The following DKK2 variants were observed in gnomAD, a reference collection of about 807,000 sequenced individuals.
The protein encoded by DKK2 is dickkopf Wnt signaling pathway inhibitor 2, also known as dickkopf-related protein 2.
DKK2 carries 11 observed loss-of-function variants against 28.1 expected under a neutral mutation model. The ratio of observed to expected loss-of-function variants is 0.39; its 90% confidence interval spans 0.25 to 0.65. The LOEUF is 0.65. DKK2 is among the 30% of genes least tolerant of loss of function. The pLI is 0.47. For synonymous variants in DKK2, 135 were observed against 126.5 expected (o/e 1.07, Z -0.45); for missense variants, 326 against 335.5 (o/e 0.97, Z 0.22).
intron 1 of DKK2, among the ~76,000 whole-genome samples, chr4:107,018,709 A>G (rs1283245758): frequency 6.6e-6 from 1 of 152,100 alleles, no homozygotes; most frequent in East Asian, 1.9e-4. Flanking sequence ...CTTCTAAAAC[A>G]TGGTGCAATA....
chr4:106,980,435 A>G (rs926049860), intron 1 of DKK2, among the ~76,000 whole-genome samples: 2 of 152,148 alleles, frequency 1.3e-5, no homozygotes, highest in African/African-American at 2.4e-5. Context: ...ATTATATATT[A>G]ACTATTATAT....
chr4:106,927,416 G>GTATTT lies in DKK2; in HGVS notation c.223-1472_223-1468dup, dbSNP rs923121259. Among the ~76,000 whole-genome samples, 9 of 152,264 alleles carry GTATTT rather than the reference G, an allele frequency of 5.9e-5. 1 individual carries two copies. Among genetic ancestry groups the GTATTT allele is most frequent in the Admixed American group, 5.9e-4 (9 of 15,296 alleles). ...TGTACGAGTCTGAGAGATAAAAAAT[G>GTATTT]TATTTTAGCATCATTACAATTTCTT... On this transcript the variant is annotated intron_variant, in intron 1 of 3. Transcript: ENST00000285311.
Position 106,923,947 on chromosome 4 carries a change from A to G in DKK2, c.*7T>C, listed in dbSNP as rs368307053. 467 of 1,613,172 alleles carry G rather than the reference A, an allele frequency of 2.9e-4. 2 individuals carry two copies. In the South Asian group the frequency reaches 3.8e-3, roughly 13 times the overall value. On this transcript the variant is annotated 3_prime_UTR_variant, in exon 4 of 4. Coordinates refer to ENST00000285311, the MANE Select transcript of DKK2 (RefSeq NM_014421.3). Reference sequence around the variant, plus strand: ...AGTCTGCAATTGATGATGTTCCTCAATGGTGATCAAATTTTCTGACACACA... The same window carrying G: ...AGTCTGCAATTGATGATGTTCCTCAGTGGTGATCAAATTTTCTGACACACA...
intron 1 of DKK2, among the ~76,000 whole-genome samples, chr4:106,988,031 AT>A (rs1390805409): frequency 6.6e-6 from 1 of 152,108 alleles, no homozygotes; most frequent in East Asian, 1.9e-4. Context: ...CGCCCGGCTA[AT>A]TTTTTATATT....
intron 1 of DKK2, among the ~76,000 whole-genome samples, chr4:106,971,487 C>A (rs1196081030): frequency 6.6e-6 from 1 of 151,986 alleles, no homozygotes. Context: ...TCATCTAAAC[C>A]AAAGACATGT....
chr4:106,967,793 AG>A (rs1722804305), intron 1 of DKK2, among the ~76,000 whole-genome samples: 1 of 150,960 alleles, frequency 6.6e-6, no homozygotes. Flanking sequence ...TAAAAGAGAA[AG>A]GAGGGGAGAA....
rs565067628 is a variant in DKK2 at position 106,924,638 on chromosome 4, G to T, written c.436C>A (p.Arg146=). ...TPHIPALDGT[R]HRDRNHGHYS... ...TGACCGTGGTTTCGATCTCTGTGCCGAGTACCATCCAGAGCCGGGATGTGA... is the reference window on the plus strand; with the variant it reads ...TGACCGTGGTTTCGATCTCTGTGCCTAGTACCATCCAGAGCCGGGATGTGA... The change falls in exon 3 of 4, where the codon CGG becomes AGG. Residue 146 remains arginine, a synonymous_variant. Coordinates refer to ENST00000285311, the MANE Select transcript of DKK2 (RefSeq NM_014421.3). 9.3e-6 allele frequency: 15 copies of T among 1,613,858 alleles called. No homozygotes were observed. The highest frequency in any genetic ancestry group is 1.2e-5 in the Non-Finnish European group (14 of 1,179,860).
chr4:106,969,455 C>T lies in DKK2; in HGVS notation c.223-43506G>A, dbSNP rs140142057. ...TCAGAAAAGCCCCATGCTGACTCCA[C>T]AGTTAAACAGAAAAAAAAATTTACT... On this transcript the variant is annotated intron_variant, in intron 1 of 3. Coordinates refer to ENST00000285311, the MANE Select transcript of DKK2 (RefSeq NM_014421.3). Among the ~76,000 whole-genome samples, 410 of 151,748 alleles carry T rather than the reference C, an allele frequency of 2.7e-3. 3 individuals carry two copies. Among genetic ancestry groups the T allele is most frequent in the African/African-American group, 9.5e-3 (393 of 41,436 alleles).
chr4:106,957,895 A>C (rs1054397386), intron 1 of DKK2, among the ~76,000 whole-genome samples: 2 of 150,806 alleles, frequency 1.3e-5, no homozygotes, highest in Non-Finnish European at 3.0e-5. Context: ...CTAAAACTTA[A>C]AGTATAATAA....
chr4:106,971,380 G>A (rs1722865510), intron 1 of DKK2, among the ~76,000 whole-genome samples: 1 of 151,738 alleles, frequency 6.6e-6, no homozygotes, highest in Admixed American at 6.6e-5. Context: ...TTATTAAACA[G>A]CTTATATCTA....
intron 1 of DKK2, among the ~76,000 whole-genome samples, chr4:106,929,843 G>T (rs763917667): frequency 1.3e-5 from 2 of 152,146 alleles, no homozygotes; most frequent in Non-Finnish European, 2.9e-5. Context: ...GTAACTGCTA[G>T]AAATAAGTAA....
chr4:107,006,539 C>T (rs1723440847), intron 1 of DKK2, among the ~76,000 whole-genome samples: 1 of 152,142 alleles, frequency 6.6e-6, no homozygotes, highest in African/African-American at 2.4e-5. Flanking sequence ...TGCTTGAAAT[C>T]TTTAATGACT....
At chr4:106,956,433 T>C (rs1037153612) in intron 1 of DKK2, among the ~76,000 whole-genome samples, 7 of 152,266 alleles carry the variant, frequency 4.6e-5, no homozygotes, top group East Asian at 1.9e-4. Context: ...AAAAAGAGCC[T>C]GCATCGCCAA....
At chr4:106,985,919 G>A (rs1317804081) in intron 1 of DKK2, among the ~76,000 whole-genome samples, 1 of 152,008 alleles carries the variant, frequency 6.6e-6, no homozygotes, top group Non-Finnish European at 1.5e-5. Flanking sequence ...GACAAAAAGG[G>A]AGGGAAGGCA....
At chr4:107,017,989 T>A (rs547213272) in intron 1 of DKK2, among the ~76,000 whole-genome samples, 4 of 152,142 alleles carry the variant, frequency 2.6e-5, no homozygotes, top group Admixed American at 2.6e-4. Context: ...TTTCCGCCCT[T>A]CTTAGAAGTA....
chr4:106,943,556 T>C (rs377240402), intron 1 of DKK2, among the ~76,000 whole-genome samples: 1 of 152,104 alleles, frequency 6.6e-6, no homozygotes, highest in Admixed American at 6.6e-5. Context: ...TTATAACCTA[T>C]ACAGTATAGA....
At position 107,035,618 on chromosome 4, in the gene DKK2, AC is replaced by A; in HGVS notation, c.-28del. ...TCCCGGCGAGGGGGTCCCCAGGAAG[AC>A]GCAAAGCCCGGAGGGGTGGGAATGC... On this transcript the variant is annotated 5_prime_UTR_variant, in exon 1 of 4. Coordinates refer to ENST00000285311, the MANE Select transcript of DKK2 (RefSeq NM_014421.3). The A allele has an allele frequency of 6.2e-7, 1 of 1,611,624 alleles. No homozygotes were observed. Among genetic ancestry groups the A allele is most frequent in the Non-Finnish European group, 8.5e-7 (1 of 1,179,432 alleles).
At chr4:106,930,188 T>C (rs980051594) in intron 1 of DKK2, among the ~76,000 whole-genome samples, 10 of 152,178 alleles carry the variant, frequency 6.6e-5, no homozygotes, top group Non-Finnish European at 1.2e-4. Flanking sequence ...AAATCAGAGT[T>C]GTAATCAAAA....
At chr4:107,011,906 A>G (rs1171881405) in intron 1 of DKK2, among the ~76,000 whole-genome samples, 1 of 151,396 alleles carries the variant, frequency 6.6e-6, no homozygotes, top group South Asian at 2.1e-4. Flanking sequence ...GAACTTTTAG[A>G]CTTCTCAAAA....
Sources: allele counts gnomAD v4.1 joint callset (sites outside exome capture counted in the v4.1 genomes callset), GRCh38; gene constraint gnomAD v4.1.1; transcripts MANE v1.5; gene names NCBI Gene and HGNC (gene_info 2026-07-23, HGNC 2026-07-21).